Variants in PPFIBP2 observed in about 807,000 individuals in gnomAD.
PPFIBP2 encodes the protein PPFIB scaffold protein 2.
In PPFIBP2, 118 loss-of-function variants were observed where a neutral mutation model predicts 118.3. The observed-to-expected ratio is 1.00, with a 90% CI of 0.86 to 1.16. PPFIBP2 has a LOEUF of 1.16. PPFIBP2 is among the 50% of genes most tolerant of loss of function. The pLI is 0.00. For missense variants in PPFIBP2, 1,195 were observed against 1,073.1 expected (o/e 1.11, Z -1.59); for synonymous variants, 414 against 397.4 (o/e 1.04, Z -0.50).
chr11:7,658,130 C>A (rs899060732), downstream of PPFIBP2, among the ~76,000 whole-genome samples: 1 of 152,190 alleles, frequency 6.6e-6, no homozygotes, highest in African/African-American at 2.4e-5. Flanking sequence ...TTTCTGCAGC[C>A]TAAAAGAGCA....
At chr11:7,523,876 A>T (rs915987976) in intron 1 of PPFIBP2, among the ~76,000 whole-genome samples, 4 of 152,066 alleles carry the variant, frequency 2.6e-5, no homozygotes, top group African/African-American at 9.7e-5. Context: ...TTTAGTGGGG[A>T]TACTCTTGTC....
chr11:7,619,610 C>T (rs1037913640), intron 6 of PPFIBP2, among the ~76,000 whole-genome samples: 1 of 152,206 alleles, frequency 6.6e-6, no homozygotes, highest in Non-Finnish European at 1.5e-5. Context: ...ACTGTCCAGG[C>T]TGTCAGTGCT....
At chr11:7,545,899 T>C (rs7942568) in intron 1 of PPFIBP2, among the ~76,000 whole-genome samples, 152,310 of 152,312 alleles carry the variant, frequency 1, 76,154 homozygotes, top group Middle Eastern at 1. Context: ...ACTCCTACCT[T>C]GGGGAGGAGA....
At chr11:7,597,062 A>G in intron 4 of PPFIBP2, 12 of 977,468 alleles carry the variant, frequency 1.2e-5, no homozygotes, top group Non-Finnish European at 1.7e-5. Flanking sequence ...CATGCCCTTT[A>G]CAGCCCACAT....
Position 7,650,870 on chromosome 11 carries a change from T to C in PPFIBP2, c.2152T>C (p.Trp718Arg). The change falls in exon 22 of 24, where the codon TGG becomes CGG. Residue 718 changes from tryptophan to arginine, a missense_variant. Transcript: ENST00000299492. Reference protein sequence around the residue: ...SNLSPSEVVQWSNHRVMEWLR... With the variant: ...SNLSPSEVVQRSNHRVMEWLR... The stretch of plus-strand genomic sequence containing the variant: ...CCTTTCTCCTTCAGAAGTTGTACAG[T>C]GGTCCAACCACAGGGTGATGGAGTG... The C allele has an allele frequency of 6.2e-7, 1 of 1,614,090 alleles. No individual in the cohort carries two copies. Among genetic ancestry groups the C allele is most frequent in the Non-Finnish European group, 8.5e-7 (1 of 1,179,950 alleles).
At chr11:7,529,338 T>C (rs1458944644) in intron 1 of PPFIBP2, among the ~76,000 whole-genome samples, 2 of 152,204 alleles carry the variant, frequency 1.3e-5, no homozygotes, top group African/African-American at 4.8e-5. Flanking sequence ...ACAGATCTTA[T>C]CGGCTCCATG....
In PPFIBP2 at chr11:7,653,117, G is replaced by A. The variant is rs777815166; in HGVS notation, c.2530G>A (p.Gly844Ser). Residue 844 changes from glycine (G) to serine (S), a missense_variant, in exon 24 of 24, where the codon GGT becomes AGT. Transcript: ENST00000299492. Reference sequence around the variant, plus strand: ...CATTTGCCCAATGGAGCCCAGTGACGGTGTCAGTGATAGTCACAGGGTCTA... The same window carrying A: ...CATTTGCCCAATGGAGCCCAGTGACAGTGTCAGTGATAGTCACAGGGTCTA... ...DYICPMEPSD[G>S]VSDSHRVYSG... 5.0e-6 allele frequency: 8 copies of A among 1,614,210 alleles called. No individual in the cohort carries two copies. The highest frequency in any genetic ancestry group is 3.3e-4 in the Middle Eastern group (2 of 6,062).
intron 6 of PPFIBP2, among the ~76,000 whole-genome samples, chr11:7,613,371 G>A (rs928681692): frequency 2.0e-5 from 3 of 152,272 alleles, no homozygotes; most frequent in Admixed American, 6.5e-5. Flanking sequence ...AATGATTACC[G>A]ACAGTCATTC....
chr11:7,536,076 C>G (rs920054579), intron 1 of PPFIBP2, among the ~76,000 whole-genome samples: 2 of 152,172 alleles, frequency 1.3e-5, no homozygotes, highest in African/African-American at 4.8e-5. Flanking sequence ...TCACAACCAC[C>G]CTTTCAGGTA....
intron 20 of PPFIBP2, 143 bp from the exon 21 acceptor site, chr11:7,649,389 A>G: frequency 7.8e-7 from 1 of 1,285,818 alleles, no homozygotes; most frequent in Non-Finnish European, 1.1e-6. Context: ...CAGAGTACAA[A>G]CCACTGTGAT....
chr11:7,555,636 T>C (rs151245817), intron 2 of PPFIBP2, among the ~76,000 whole-genome samples: 105 of 152,182 alleles, frequency 6.9e-4, no homozygotes, highest in African/African-American at 2.3e-3. Flanking sequence ...GGAGTGGGGG[T>C]CTTAGGAGTG....
intron 7 of PPFIBP2, among the ~76,000 whole-genome samples, chr11:7,623,213 CCT>C (rs5789531): frequency 0.2 from 30,937 of 152,036 alleles, 3,661 homozygotes; most frequent in East Asian, 0.51. Context: ...CTGCTTCAGG[CCT>C]CTCAGTCTCT....
chr11:7,644,989 T>C (rs375758989), intron 17 of PPFIBP2, among the ~76,000 whole-genome samples: 1 of 114,334 alleles, frequency 8.7e-6, no homozygotes, highest in African/African-American at 3.4e-5. Context: ...ATCCCGCCAC[T>C]GCACTCCAGC....
chr11:7,590,763 A>G (rs1191750166), intron 3 of PPFIBP2, among the ~76,000 whole-genome samples: 4 of 152,218 alleles, frequency 2.6e-5, no homozygotes, highest in Non-Finnish European at 5.9e-5. Flanking sequence ...CCTTTGGCCC[A>G]TATTGTCCAC....
At chr11:7,646,574 C>T (rs977741652) in intron 17 of PPFIBP2, among the ~76,000 whole-genome samples, 2 of 152,136 alleles carry the variant, frequency 1.3e-5, no homozygotes, top group Admixed American at 1.3e-4. Context: ...TAAAGAAGTA[C>T]TATAGCTGGA....
intron 2 of PPFIBP2, among the ~76,000 whole-genome samples, chr11:7,557,850 C>A (rs11041448): frequency 0.51 from 78,017 of 151,960 alleles, 21,873 homozygotes; most frequent in African/African-American, 0.75. Context: ...ATTGCTACTC[C>A]TGTGGACCCC....
chr11:7,532,932 A>G (rs1564944481), intron 1 of PPFIBP2, among the ~76,000 whole-genome samples: 1 of 152,198 alleles, frequency 6.6e-6, no homozygotes, highest in Admixed American at 6.5e-5. Context: ...TCTGGGGCCT[A>G]TTCCTCAGCA....
chr11:7,567,008 G>A (rs7115639), intron 3 of PPFIBP2, among the ~76,000 whole-genome samples: 25,444 of 152,018 alleles, frequency 0.17, 2,156 homozygotes, highest in African/African-American at 0.18. Context: ...TTTATTAGCC[G>A]TTTGCTTTAT....
the PPFIBP2 span, chr11:7,665,560 G>T: frequency 6.3e-7 from 1 of 1,591,590 alleles, no homozygotes. Flanking sequence ...AAATGAAGGA[G>T]ATGCAGGAGC....
Sources: gnomAD v4.1 joint callset for allele counts (sites outside exome capture counted in the v4.1 genomes callset) on GRCh38, gnomAD v4.1.1 for gene constraint, MANE v1.5 for transcripts, NCBI Gene and HGNC (gene_info 2026-07-23, HGNC 2026-07-21) for gene names.